The following P2RX7 variants were observed in gnomAD, a reference collection of about 807,000 sequenced individuals.
P2RX7 encodes the protein purinergic receptor P2X 7.
A neutral mutation model predicts 71.6 loss-of-function variants in P2RX7; 62 were observed. The ratio of observed to expected loss-of-function variants is 0.87; its 90% CI spans 0.71 to 1.07. The LOEUF (loss-of-function observed/expected upper bound fraction) is 1.07, where lower values mean the gene tolerates loss of function less well. Ranked by LOEUF, P2RX7 falls within the 50% of genes least tolerant of loss-of-function variation. The pLI is 0.00. For synonymous variants in P2RX7, 299 were observed against 283.3 expected (o/e 1.06, Z -0.56); for missense variants, 686 against 748.5 (o/e 0.92, Z 0.97).
At chr12:121,163,362 A>ACACG (rs1880225052) in intron 5 of P2RX7, among the ~76,000 whole-genome samples, 2 of 144,008 alleles carry the variant, frequency 1.4e-5, no homozygotes, top group African/African-American at 5.4e-5. Flanking sequence ...ACACACGCAC[A>ACACG]CACACACACA....
intron 11 of P2RX7, among the ~76,000 whole-genome samples, chr12:121,178,427 A>C (rs1172602178): frequency 6.6e-6 from 1 of 152,212 alleles, no homozygotes; most frequent in East Asian, 1.9e-4. Flanking sequence ...TCTTCACAAC[A>C]ACCTGATGTA....
At chr12:121,171,518 C>T (rs1882184212) in intron 8 of P2RX7, among the ~76,000 whole-genome samples, 1 of 151,918 alleles carries the variant, frequency 6.6e-6, no homozygotes. Flanking sequence ...GGATTTGGGG[C>T]TTACCCTAAA....
In P2RX7 at chr12:121,159,417, CAAAAAAAAAAAAA is replaced by C. The variant is rs397850013; in HGVS notation, c.364-1474_364-1462del. Among the ~76,000 whole-genome samples the C allele has an allele frequency of 5.9e-4, 39 of 65,756 alleles. 1 individual carries two copies. The highest frequency in any genetic ancestry group is 2.3e-3 in the African/African-American group (38 of 16,580). 43.1% of individuals were successfully genotyped at this position (65,756 alleles called of 152,430 possible). On this transcript the variant is annotated intron_variant, in intron 3 of 12. Coordinates refer to ENST00000328963, the MANE Select transcript of P2RX7 (RefSeq NM_002562.6). Reference sequence around the variant, plus strand: ...GGTCGACAGAGCAAGACTCTGTCTCCAAAAAAAAAAAAAAAAAAAAAAAGACAAATCTGTTCAC... The same window carrying C: ...GGTCGACAGAGCAAGACTCTGTCTCCAAAAAAAAAAGACAAATCTGTTCAC...
rs957729818 is a variant in P2RX7 at position 121,177,499 on chromosome 12, C to A, written c.1188+53C>A. 89 of 1,569,784 alleles carry A rather than the reference C, an allele frequency of 5.7e-5. No homozygotes were observed. In the African/African-American group the frequency reaches 1.1e-3, roughly 20 times the overall value. ...AAGACATGGAGAGATTCCATGAAAT[C>A]ACTCAGAAATGCACGAAAATTAGGC... On this transcript the variant is annotated intron_variant, in intron 11 of 12. Coordinates refer to ENST00000328963, the MANE Select transcript of P2RX7 (RefSeq NM_002562.6).
At position 121,137,070 on chromosome 12, in the gene P2RX7, C is replaced by T. The variant is rs796734570; in HGVS notation, c.125+3975C>T. Among the ~76,000 whole-genome samples, 91 of 152,292 alleles carry T rather than the reference C, an allele frequency of 6.0e-4. 1 individual carries two copies. The highest frequency in any genetic ancestry group is 1.9e-3 in the African/African-American group (80 of 41,554). ...GAAATCATAACTTACATGTATTTAA[C>T]TCCCTCAAATTCAGTTATACATGTT... On this transcript the variant is annotated intron_variant, in intron 1 of 12. Coordinates refer to ENST00000328963, the MANE Select transcript of P2RX7 (RefSeq NM_002562.6).
At chr12:121,155,489 C>A in intron 2 of P2RX7, 1 of 967,706 alleles carries the variant, frequency 1.0e-6, no homozygotes, top group Non-Finnish European at 1.4e-6. Context: ...AGCAGAATTG[C>A]CAAAAAAGAG....
chr12:121,161,244 T>A (rs1879617577), intron 4 of P2RX7, among the ~76,000 whole-genome samples: 1 of 152,226 alleles, frequency 6.6e-6, no homozygotes. Flanking sequence ...TCACATGGCC[T>A]ATAGCATCAT....
chr12:121,157,012 G>C (rs551982940), intron 3 of P2RX7, among the ~76,000 whole-genome samples: 6 of 152,230 alleles, frequency 3.9e-5, no homozygotes, highest in Admixed American at 3.9e-4. Flanking sequence ...AACAAAAACT[G>C]TATTTGTCCT....
At chr12:121,175,828 G>A (rs536216182) in intron 9 of P2RX7, among the ~76,000 whole-genome samples, 1 of 152,100 alleles carries the variant, frequency 6.6e-6, no homozygotes, top group African/African-American at 2.4e-5. Flanking sequence ...GGCTTTTTTG[G>A]GTTCACGTAA....
At chr12:121,146,401 TC>T (rs1411794614) in intron 1 of P2RX7, among the ~76,000 whole-genome samples, 1 of 145,690 alleles carries the variant, frequency 6.9e-6, no homozygotes, top group African/African-American at 2.5e-5. Context: ...CAAGTGATTC[TC>T]CTGCCTCAGC....
intron 8 of P2RX7, among the ~76,000 whole-genome samples, chr12:121,167,847 CTG>C (rs113231910): frequency 0.032 from 4,763 of 151,124 alleles, 253 homozygotes; most frequent in African/African-American, 0.11. Context: ...GAGTCTCACT[CTG>C]TCACCCAGGC....
chr12:121,143,679 G>A (rs1331423607), intron 1 of P2RX7, among the ~76,000 whole-genome samples: 2 of 151,992 alleles, frequency 1.3e-5, no homozygotes, highest in Admixed American at 6.6e-5. Context: ...GTGAAACCCC[G>A]TCTCTACTAA....
chr12:121,181,381 A>G (rs145106774), intron 12 of P2RX7, among the ~76,000 whole-genome samples: 217 of 152,236 alleles, frequency 1.4e-3, no homozygotes, highest in African/African-American at 4.9e-3. Flanking sequence ...ATGGCACTCT[A>G]CTGGACAGTT....
intron 8 of P2RX7, among the ~76,000 whole-genome samples, chr12:121,171,863 T>TTTC (rs375678453): frequency 1.7e-4 from 15 of 88,454 alleles, no homozygotes; most frequent in African/African-American, 2.0e-4. Flanking sequence ...TCTTTCTTTC[T>TTTC]TTTTTTTTTT....
intron 12 of P2RX7, among the ~76,000 whole-genome samples, chr12:121,181,914 AT>A (rs1245893857): frequency 6.6e-6 from 1 of 151,918 alleles, no homozygotes; most frequent in Admixed American, 6.6e-5. Flanking sequence ...AAATACAAAA[AT>A]TAGCCAGGCG....
intron 11 of P2RX7, among the ~76,000 whole-genome samples, chr12:121,179,115 T>C (rs903298281): frequency 6.6e-6 from 1 of 152,080 alleles, no homozygotes; most frequent in African/African-American, 2.4e-5. Context: ...ATCTGTATTG[T>C]TTTGATTTGA....
In P2RX7 at chr12:121,177,148, G is replaced by A. The variant is rs199558656; in HGVS notation, c.974G>A (p.Gly325Glu). Reference protein sequence around the residue: ...IRFDILVFGTGGKFDIIQLVV... With the variant: ...IRFDILVFGTEGKFDIIQLVV... ...TAAACTCTCCCACTCTGTTTTTAGG[G>A]AGGAAAATTTGACATTATCCAGCTG... The change falls in exon 10 of 13, where the codon GGA (glycine) becomes GAA (glutamate). Residue 325 changes from glycine to glutamate, a missense_variant and splice_region_variant. Physicochemically the swap from Gly to Glu is moderately conservative, Grantham distance 98. Coordinates refer to ENST00000328963, the MANE Select transcript of P2RX7 (RefSeq NM_002562.6). 1 of 1,613,990 alleles carries A rather than the reference G, an allele frequency of 6.2e-7. No homozygotes were observed. Among genetic ancestry groups the A allele is most frequent in the Non-Finnish European group, 8.5e-7 (1 of 1,179,864 alleles).
In P2RX7 at chr12:121,156,893, C is replaced by T. The variant is rs73403841; in HGVS notation, c.363+746C>T. Among the ~76,000 whole-genome samples, 366 of 152,288 alleles carry T rather than the reference C, an allele frequency of 2.4e-3. 3 individuals are homozygous for T. The highest frequency in any genetic ancestry group is 7.8e-3 in the African/African-American group (323 of 41,568). On this transcript the variant is annotated intron_variant, in intron 3 of 12. Coordinates refer to ENST00000328963, the MANE Select transcript of P2RX7 (RefSeq NM_002562.6). ...TCTGGGCTAGGCATGGTGGCTCACA[C>T]CTATAATCTCAGCACTTTGGGAGGC... is the stretch of plus-strand genomic sequence containing the variant.
intron 12 of P2RX7, among the ~76,000 whole-genome samples, chr12:121,181,861 C>T (rs1460757060): frequency 6.6e-6 from 1 of 151,686 alleles, no homozygotes; most frequent in Non-Finnish European, 1.5e-5. Context: ...GTCAGGAGTT[C>T]AGGAACAGCC....
Sources: allele counts gnomAD v4.1 joint callset (sites outside exome capture counted in the v4.1 genomes callset), GRCh38; gene constraint gnomAD v4.1.1; transcripts MANE v1.5; gene names NCBI Gene and HGNC (gene_info 2026-07-23, HGNC 2026-07-21).